Variants in LMO3 observed in about 807,000 individuals in gnomAD.
The protein encoded by LMO3 is LIM domain only 3.
LMO3 carries 2 observed loss-of-function variants against 15.8 expected under a neutral mutation model. The ratio of observed to expected loss-of-function variants is 0.13; its 90% CI spans 0.05 to 0.40. The LOEUF is 0.40. Among genes scored for constraint, LMO3 ranks in the 10% least tolerant of loss-of-function variants. The pLI is 0.99. For synonymous variants in LMO3, 62 were observed against 63.8 expected (o/e 0.97, Z 0.13); for missense variants, 86 against 182.2 (o/e 0.47, Z 3.04).
rs1202293837 is a variant in LMO3, at chr12:16,604,849, T to C, written c.-9+1217A>G. 1 of 1,598,396 alleles carries C rather than the reference T, an allele frequency of 6.3e-7. No individual in the cohort carries two copies. The highest frequency in any genetic ancestry group is 1.1e-5 in the South Asian group (1 of 91,088). On this transcript the variant is annotated intron_variant, in intron 1 of 3. Transcript: ENST00000537304. The surrounding 1 kb of genome is among the most constrained non-coding windows in gnomAD (Gnocchi z 5.3). ...GAGCGCCAGCAAAGTGCATCTATGA[T>C]AGACTGTAACCTTACCAAAACTTTT...
intron 2 of LMO3, chr12:16,594,063 T>G (rs1028438793): frequency 7.4e-7 from 1 of 1,342,912 alleles, no homozygotes; most frequent in African/African-American, 1.4e-5. Context: ...TAAGAATAGA[T>G]GAGTGCTATA....
At chr12:16,607,709 C>A (rs200001220), upstream of LMO3, 1 of 151,244 alleles carries the variant, frequency 6.6e-6, no homozygotes, top group African/African-American at 2.4e-5. Flanking sequence ...CTACAAAAAA[C>A]TTTTTTTCTT....
intron 3 of LMO3, 126 bp from the exon 4 acceptor site, chr12:16,551,453 C>T (rs1301156223): frequency 8.1e-6 from 5 of 619,504 alleles, no homozygotes; most frequent in South Asian, 2.0e-5. Context: ...CTGGCTTAGA[C>T]AGTTGTCTTC....
At chr12:16,601,446 C>T (rs1183179362) in intron 1 of LMO3, among the ~76,000 whole-genome samples, 1 of 152,150 alleles carries the variant, frequency 6.6e-6, no homozygotes, top group Non-Finnish European at 1.5e-5. Context: ...TTCTTGCTTG[C>T]ATCCAAATAC....
Position 16,564,445 on chromosome 12 carries a change from C to T in LMO3, c.207-3907G>A, listed in dbSNP as rs533636145. On this transcript the variant is annotated intron_variant, in intron 2 of 3. Transcript: ENST00000537304. The stretch of plus-strand genomic sequence containing the variant: ...TGGTTTAGTGTATATCCATTTCTAA[C>T]GTTCCTGCGGACTGGGGGTAGGGAA... Among the ~76,000 whole-genome samples, 11 of 152,232 alleles carry T rather than the reference C, an allele frequency of 7.2e-5. 1 individual carries two copies. In the South Asian group the frequency reaches 1.0e-3, roughly 14 times the overall value.
chr12:16,556,099 A>C (rs1942179545), intron 3 of LMO3, among the ~76,000 whole-genome samples: 2 of 152,162 alleles, frequency 1.3e-5, no homozygotes, highest in Admixed American at 1.3e-4. Context: ...ACAGTGCTTT[A>C]TTCTTAAAAA....
At chr12:16,601,822 T>C (rs532127139) in intron 1 of LMO3, 1 of 152,348 alleles carries the variant, frequency 6.6e-6, no homozygotes, top group South Asian at 2.1e-4. Context: ...CTTTACAGTT[T>C]GATTGAAATC....
Position 16,596,188 on chromosome 12 carries a change from A to G in LMO3, c.206+4467T>C, listed in dbSNP as rs924914020. Reference sequence around the variant, plus strand: ...TTATTTTCTCTTTTAGAGTTATTATATTATTATATTAAAGCCTATAAAATT... The same window carrying G: ...TTATTTTCTCTTTTAGAGTTATTATGTTATTATATTAAAGCCTATAAAATT... On this transcript the variant is annotated intron_variant, in intron 2 of 3. Coordinates refer to ENST00000537304, the MANE Select transcript of LMO3 (RefSeq NM_018640.5). The surrounding 1 kb of genome is among the most constrained non-coding windows in gnomAD (Gnocchi z 4.3). Among the ~76,000 whole-genome samples the G allele has an allele frequency of 6.6e-6, 1 of 151,530 alleles. No homozygotes were observed. Among genetic ancestry groups the G allele is most frequent in the Non-Finnish European group, 1.5e-5 (1 of 67,560 alleles).
intron 2 of LMO3, among the ~76,000 whole-genome samples, chr12:16,574,722 T>G (rs1942937525): frequency 6.6e-6 from 1 of 152,190 alleles, no homozygotes; most frequent in African/African-American, 2.4e-5. Flanking sequence ...CGCAAAGGAT[T>G]TATCGGCCAT....
chr12:16,600,941 T>A, intron 1 of LMO3, 73 bp from the exon 2 acceptor site: 1 of 1,065,168 alleles, frequency 9.4e-7, no homozygotes, highest in Non-Finnish European at 1.4e-6. Flanking sequence ...ACAAGTTAAA[T>A]ATTTAATATT....
In LMO3 at chr12:16,584,812, G is replaced by A. The variant is rs1261580478; in HGVS notation, c.206+15843C>T. Reference sequence around the variant, plus strand: ...TGAAAGCTCCCAGGAGATTTCTGAAGCAGGAGTGTAACTGGTATACATTGG... The same window carrying A: ...TGAAAGCTCCCAGGAGATTTCTGAAACAGGAGTGTAACTGGTATACATTGG... On this transcript the variant is annotated intron_variant, in intron 2 of 3. Transcript: ENST00000537304. This position sits in a 1 kb window ranked among gnomAD's most constrained non-coding sequence, Gnocchi z 5.2. Among the ~76,000 whole-genome samples the A allele has an allele frequency of 6.6e-6, 1 of 152,160 alleles. No homozygotes were observed. The highest frequency in any genetic ancestry group is 1.9e-4 in the East Asian group (1 of 5,184).
At position 16,583,003 on chromosome 12, in the gene LMO3, C is replaced by T. The variant is rs560698225; in HGVS notation, c.206+17652G>A. Among the ~76,000 whole-genome samples the T allele has an allele frequency of 6.8e-5, 10 of 147,494 alleles. No homozygotes were observed. The East Asian group carries it at 1.8e-3, about 27-fold the overall frequency. On this transcript the variant is annotated intron_variant, in intron 2 of 3. Coordinates refer to ENST00000537304, the MANE Select transcript of LMO3 (RefSeq NM_018640.5). ...CAGAGGTTGTAGTGAGCTGAGATCA[C>T]TCCACTGCACTCTAGCCTGGGTGAC...
chr12:16,605,754 C>T (rs1240409552), intron 1 of LMO3: 1 of 1,534,780 alleles, frequency 6.5e-7, no homozygotes. Flanking sequence ...GACTATTATC[C>T]ACTCGAGTCG....
rs1227012717 is a variant in LMO3, at chr12:16,591,184, T to C, written c.206+9471A>G. Among the ~76,000 whole-genome samples the C allele has an allele frequency of 6.6e-6, 1 of 151,974 alleles. No homozygotes were observed. The highest frequency in any genetic ancestry group is 1.5e-5 in the Non-Finnish European group (1 of 67,950). On this transcript the variant is annotated intron_variant, in intron 2 of 3. Transcript: ENST00000537304. This position sits in a 1 kb window ranked among gnomAD's most constrained non-coding sequence, Gnocchi z 4.1. ...AGTGACTACCCCTTATTCTTGCCCC[T>C]CCTGCTCTCCCACACCCCAGCTGCA... is the stretch of plus-strand genomic sequence containing the variant.
intron 3 of LMO3, among the ~76,000 whole-genome samples, chr12:16,558,612 G>C (rs1942277472): frequency 6.6e-6 from 1 of 152,062 alleles, no homozygotes; most frequent in South Asian, 2.1e-4. Context: ...TAGACTGAAT[G>C]AACTTACTTT....
At position 16,601,518 on chromosome 12, in the gene LMO3, C is replaced by T. The variant is rs554214488; in HGVS notation, c.-8-650G>A. ...TGTTCAAATATAACATTTATACTCACAAGCATCAGTCAGCACCTATATTAA... is the reference window on the plus strand; with the variant it reads ...TGTTCAAATATAACATTTATACTCATAAGCATCAGTCAGCACCTATATTAA... On this transcript the variant is annotated intron_variant, in intron 1 of 3. Coordinates refer to ENST00000537304, the MANE Select transcript of LMO3 (RefSeq NM_018640.5). Among the ~76,000 whole-genome samples, 94 of 152,290 alleles carry T rather than the reference C, an allele frequency of 6.2e-4. No individual in the cohort carries two copies. The South Asian group carries it at 8.7e-3, about 14-fold the overall frequency.
In LMO3 at chr12:16,560,499, C is replaced by G. The variant is rs1388880163; in HGVS notation, c.246G>C (p.Lys82Asn). The change falls in exon 3 of 4, where the codon AAG becomes AAC. Residue 82 changes from lysine to asparagine, a missense_variant. This residue lies in a region of LMO3 where 51 missense variants were observed against 140.3 expected (regional missense o/e 0.36). Transcript: ENST00000537304. This position sits in a 1 kb window ranked among gnomAD's most constrained non-coding sequence, Gnocchi z 5.0. ...TCACCATCTCAAAGGCAGGGATGAG[C>G]TTACTACAGGCAGCGCAGTTTCCCG... ...GVTGNCAACS[K>N]LIPAFEMVMR... 6.2e-7 allele frequency: 1 copy of G among 1,613,796 alleles called. No individual in the cohort carries two copies. The highest frequency in any genetic ancestry group is 2.2e-5 in the East Asian group (1 of 44,850).
Position 16,590,295 on chromosome 12 carries a change from A to G in LMO3, c.206+10360T>C, listed in dbSNP as rs113804136. ...TAGGTTAGTGGTGAGAAATATAAGC[A>G]TAAACAAACTCTCATGTAACATTTG... On this transcript the variant is annotated intron_variant, in intron 2 of 3. Transcript: ENST00000537304. 1.6e-3 allele frequency among the ~76,000 whole-genome samples: 239 copies of G among 152,198 alleles called. 4 individuals are homozygous for G. Among genetic ancestry groups the G allele is most frequent in the African/African-American group, 5.5e-3 (228 of 41,554 alleles).
At chr12:16,580,779 C>T (rs1943135787) in intron 2 of LMO3, among the ~76,000 whole-genome samples, 1 of 152,126 alleles carries the variant, frequency 6.6e-6, no homozygotes, top group Non-Finnish European at 1.5e-5. Context: ...TTTGTTACTG[C>T]ATTTTTGCTA....
Sources: allele counts gnomAD v4.1 joint callset (sites outside exome capture counted in the v4.1 genomes callset), GRCh38; gene constraint gnomAD v4.1.1; regional missense constraint gnomAD v4.1.1; non-coding constraint Gnocchi (gnomAD v3.1); transcripts MANE v1.5; gene names NCBI Gene and HGNC (gene_info 2026-07-23, HGNC 2026-07-21).